Variants in SLC4A2 observed in about 807,000 individuals in gnomAD.
SLC4A2 encodes the protein solute carrier family 4 member 2.
Under a neutral mutation model 115.0 loss-of-function variants are expected in SLC4A2, and 36 were observed. The ratio of observed to expected loss-of-function variants is 0.31; its 90% CI spans 0.24 to 0.41. SLC4A2 has a LOEUF of 0.41. SLC4A2 is among the 10% of genes least tolerant of loss of function. The probability of loss-of-function intolerance (pLI) is 1.00; values close to 1 mark genes in which losing one functional copy is unlikely to be tolerated. For missense variants in SLC4A2, 1,252 were observed against 1,705.6 expected (o/e 0.73, Z 4.68); for synonymous variants, 708 against 708.3 (o/e 1.00, Z 0.01).
chr7:151,066,411 G>A (rs1389930769), intron 5 of SLC4A2, 106 bp from the exon 6 acceptor site: 47 of 1,329,148 alleles, frequency 3.5e-5, no homozygotes, highest in Non-Finnish European at 4.7e-5. Context: ...AGCTAGGAGG[G>A]CCTGGAGTCC....
rs1416911557 is a variant in SLC4A2 at position 151,066,840 on chromosome 7, T to C, written c.824-11T>C. On this transcript the variant is annotated splice_polypyrimidine_tract_variant and intron_variant, in intron 6 of 22. Transcript: ENST00000413384. ...AAGGGGGAGCCCAACCTTGGTCCTC[T>C]GCCCCCACAGGTCACCGGTTTGAGG... 1 of 1,608,900 alleles carries C rather than the reference T, an allele frequency of 6.2e-7. No homozygotes were observed. The highest frequency in any genetic ancestry group is 1.1e-5 in the South Asian group (1 of 90,348).
At chr7:151,063,103 G>C (rs1797108706) in intron 2 of SLC4A2, 1 of 1,523,722 alleles carries the variant, frequency 6.6e-7, no homozygotes, top group Admixed American at 2.0e-5. Flanking sequence ...GGCGGCTGCC[G>C]CTTAGCTGGG....
chr7:151,062,537 A>G (rs1797086181), intron 2 of SLC4A2: 3 of 1,392,446 alleles, frequency 2.2e-6, no homozygotes, highest in Admixed American at 6.5e-5. Flanking sequence ...CCCGTGCCAC[A>G]ATCAGCTCCG....
In SLC4A2 at chr7:151,075,408, G is replaced by T; in HGVS notation, c.3201G>T (p.Ala1067=). The T allele has an allele frequency of 1.2e-6, 2 of 1,608,914 alleles. No individual in the cohort carries two copies. Among genetic ancestry groups the T allele is most frequent in the Non-Finnish European group, 1.7e-6 (2 of 1,180,006 alleles). The change falls in exon 20 of 23, where the codon GCG becomes GCT. Residue 1067 remains alanine, a synonymous_variant. Coordinates refer to ENST00000413384, the MANE Select transcript of SLC4A2 (RefSeq NM_003040.4). ...ATVRSVTHAN[A]LTVMSKAVAP... is the part of the protein sequence containing the mutation. ...TCCGCTCTGTCACTCACGCCAACGC[G>T]CTCACTGTCATGAGCAAGGCTGTGG...
Position 151,076,203 on chromosome 7 carries a change from G to A in SLC4A2, c.3645+17G>A, listed in dbSNP as rs760520454. On this transcript the variant is annotated intron_variant, in intron 22 of 22. Coordinates refer to ENST00000413384, the MANE Select transcript of SLC4A2 (RefSeq NM_003040.4). ...ATGAAATGTGTAAGCCCTCCCGTCT[G>A]CCTCCCCCGGTTCCTCTTGCCTCCC... 6.2e-7 allele frequency: 1 copy of A among 1,611,054 alleles called. No individual in the cohort carries two copies. The highest frequency in any genetic ancestry group is 1.1e-5 in the South Asian group (1 of 90,864).
At chr7:151,065,005 T>C in intron 5 of SLC4A2, 39 bp downstream of exon 5, 1 of 1,316,738 alleles carries the variant, frequency 7.6e-7, no homozygotes, top group Non-Finnish European at 1.1e-6. Context: ...CAACAGACAC[T>C]TCCCCTGCTA....
At chr7:151,064,795 T>A (rs773359319) in intron 4 of SLC4A2, 28 bp downstream of exon 4, 12 of 1,608,012 alleles carry the variant, frequency 7.5e-6, no homozygotes, top group Non-Finnish European at 1.0e-5. Flanking sequence ...TCCTAGGGCA[T>A]GTCGGCAGGG....
chr7:151,076,379 G>A lies in SLC4A2; in HGVS notation c.*12G>A. ...CCATGCCTGTGTAGCCGCCACCGAGGGACAGCCGAGGGACCGATGGACGAG... is the reference window on the plus strand; with the variant it reads ...CCATGCCTGTGTAGCCGCCACCGAGAGACAGCCGAGGGACCGATGGACGAG... On this transcript the variant is annotated 3_prime_UTR_variant, in exon 23 of 23. Transcript: ENST00000413384. 5 of 1,485,136 alleles carry A rather than the reference G, an allele frequency of 3.4e-6. No homozygotes were observed. Among genetic ancestry groups the A allele is most frequent in the African/African-American group, 2.8e-5 (2 of 70,444 alleles). The allele number at this position is 1,485,136 out of a possible 1,614,324, so 92.0% of individuals were successfully genotyped here.
At chr7:151,058,446 G>A (rs1796953139), upstream of SLC4A2, 2 of 156,596 alleles carry the variant, frequency 1.3e-5, no homozygotes, top group South Asian at 3.5e-4. Flanking sequence ...ACTGGGGAAT[G>A]CCTGTGAGCG....
chr7:151,071,049 C>T lies in SLC4A2; in HGVS notation c.1750-23C>T. On this transcript the variant is annotated intron_variant, in intron 12 of 22. Transcript: ENST00000413384. The surrounding 1 kb of genome is among the most constrained non-coding windows in gnomAD (Gnocchi z 5.5). The stretch of plus-strand genomic sequence containing the variant: ...TCAGCCCTCTTCTTTGTGCTCTCCC[C>T]CATCCCCATGCTGCTTTGGCAGCAA... 1 of 1,611,460 alleles carries T rather than the reference C, an allele frequency of 6.2e-7. No homozygotes were observed. Among genetic ancestry groups the T allele is most frequent in the Non-Finnish European group, 8.5e-7 (1 of 1,179,128 alleles).
intron 8 of SLC4A2, among the ~76,000 whole-genome samples, chr7:151,068,662 G>A (rs955084916): frequency 3.9e-5 from 6 of 152,062 alleles, no homozygotes; most frequent in African/African-American, 1.4e-4. Context: ...TGGAACTACA[G>A]GCGCGTGCTA....
chr7:151,069,994 C>A lies in SLC4A2; in HGVS notation c.1195C>A (p.His399Asn). The change falls in exon 9 of 23, where the codon CAC (histidine) becomes AAC (asparagine). Residue 399 changes from histidine (H) to asparagine (N), a missense_variant. This residue lies in a region of SLC4A2 where 142 missense variants were observed against 153.5 expected (regional missense o/e 0.93). Transcript: ENST00000413384. ...LDQQTLPGVA[H>N]QVVEQMVISD... ...CCAGCAGACCCTGCCCGGAGTGGCCCACCAGGTGGTGGAGCAGATGGTCAT... is the reference window on the plus strand; with the variant it reads ...CCAGCAGACCCTGCCCGGAGTGGCCAACCAGGTGGTGGAGCAGATGGTCAT... 2.5e-6 allele frequency: 4 copies of A among 1,614,098 alleles called. No individual in the cohort carries two copies. The highest frequency in any genetic ancestry group is 3.4e-6 in the Non-Finnish European group (4 of 1,180,034).
At chr7:151,067,286 A>G (rs896879210) in intron 7 of SLC4A2, among the ~76,000 whole-genome samples, 3 of 152,104 alleles carry the variant, frequency 2.0e-5, no homozygotes, top group East Asian at 1.9e-4. Flanking sequence ...CAGTTTTACC[A>G]TGTTGGCCAG....
intron 2 of SLC4A2, chr7:151,062,667 C>G: frequency 6.6e-7 from 1 of 1,519,666 alleles, no homozygotes; most frequent in Non-Finnish European, 8.8e-7. Context: ...GCCTCAGGTG[C>G]GAGGGGTCTG....
chr7:151,065,346 T>A (rs1021161444), intron 5 of SLC4A2, among the ~76,000 whole-genome samples: 1 of 151,972 alleles, frequency 6.6e-6, no homozygotes, highest in Non-Finnish European at 1.5e-5. Flanking sequence ...ACTGGTGACC[T>A]CCCAGCACTT....
intron 18 of SLC4A2, 52 bp from the exon 19 acceptor site, chr7:151,074,623 T>C (rs913791696): frequency 1.3e-6 from 2 of 1,574,838 alleles, no homozygotes; most frequent in African/African-American, 1.3e-5. Context: ...TTCCATGGCA[T>C]GCCCTCCACA....
At chr7:151,065,674 T>C (rs1001318709) in intron 5 of SLC4A2, among the ~76,000 whole-genome samples, 3 of 152,242 alleles carry the variant, frequency 2.0e-5, no homozygotes, top group African/African-American at 7.2e-5. Flanking sequence ...CATAACCTGC[T>C]GGGACCGTGG....
intron 5 of SLC4A2, among the ~76,000 whole-genome samples, chr7:151,065,333 T>C (rs1240461530): frequency 6.6e-6 from 1 of 152,090 alleles, no homozygotes; most frequent in Admixed American, 6.5e-5. Flanking sequence ...GCTCAGGTAC[T>C]GGACTGGTGA....
In SLC4A2 at chr7:151,071,949, G is replaced by T; in HGVS notation, c.2348G>T (p.Ser783Ile). The T allele has an allele frequency of 6.2e-7, 1 of 1,613,918 alleles. No homozygotes were observed. Among genetic ancestry groups the T allele is most frequent in the Non-Finnish European group, 8.5e-7 (1 of 1,179,916 alleles). ...GACTGCCCCTCCCTCCAGTTCTGTA[G>T]CAGCAACCACCTGGAGTACCTGGTG... ...VFEEAFFSFC[S>I]SNHLEYLVGR... Residue 783 changes from serine (S) to isoleucine (I), a missense_variant, in exon 16 of 23, where the codon AGC (serine) becomes ATC (isoleucine). Ser to Ile is a moderately radical substitution (Grantham distance 142). Transcript: ENST00000413384. This position sits in a 1 kb window ranked among gnomAD's most constrained non-coding sequence, Gnocchi z 5.5.
Sources: allele counts gnomAD v4.1 joint callset (sites outside exome capture counted in the v4.1 genomes callset), GRCh38; gene constraint gnomAD v4.1.1; regional missense constraint gnomAD v4.1.1; non-coding constraint Gnocchi (gnomAD v3.1); transcripts MANE v1.5; gene names NCBI Gene and HGNC (gene_info 2026-07-23, HGNC 2026-07-21).